Variants in AMELX observed in about 807,000 individuals in gnomAD.
The protein encoded by AMELX is amelogenin, X isoform.
AMELX carries 9 observed loss-of-function variants against 15.8 expected under a neutral mutation model. The observed-to-expected ratio is 0.57, with a 90% CI of 0.34 to 0.99. The LOEUF (loss-of-function observed/expected upper bound fraction) is 0.99, where lower values mean the gene tolerates loss of function less well. Ranked by LOEUF, AMELX falls within the 50% of genes least tolerant of loss-of-function variation. AMELX has a pLI of 0.02. For synonymous variants in AMELX, 61 were observed against 58.8 expected, an observed-to-expected ratio of 1.04 and a Z score of -0.17; for missense variants, 107 against 156.2, an observed-to-expected ratio of 0.68 and a Z score of 1.68.
At chrX:11,302,292 G>T (rs1348368458), downstream of AMELX, among the ~76,000 whole-genome samples, 5 of 111,771 alleles carry the variant, frequency 4.5e-5, no homozygotes, top group Admixed American at 9.5e-5. Context: ...ACTTCTTGAA[G>T]TTGAAAAATA....
downstream of AMELX, among the ~76,000 whole-genome samples, chrX:11,303,459 G>A (rs1302611449): frequency 9.0e-6 from 1 of 111,722 alleles, no homozygotes; most frequent in Admixed American, 9.5e-5. Context: ...ATTTGGGTTC[G>A]AAACATTTAC....
Position 11,298,628 on chromosome X carries a change from G to T in AMELX, c.225G>T (p.Pro75=), listed in dbSNP as rs142884100. ...CCGTGCTGTCCCAACAGCACCCCCC[G>T]ACTCACACCCTGCAGCCTCATCACC... ...IIPVLSQQHP[P]THTLQPHHHI... Residue 75 remains proline, a synonymous_variant, in exon 5 of 6, where the codon CCG becomes CCT. Transcript: ENST00000380714. The T allele has an allele frequency of 4.3e-5, 52 of 1,207,808 alleles. No individual in the cohort carries two copies. The highest frequency in any genetic ancestry group is 5.7e-5 in the Non-Finnish European group (51 of 894,738).
At chrX:11,302,178 C>T (rs5934999), downstream of AMELX, among the ~76,000 whole-genome samples, 29,760 of 111,268 alleles carry the variant, frequency 0.27, 3,118 homozygotes, top group African/African-American at 0.38. Context: ...ACATTTTAAG[C>T]GCTAAATAGC....
In AMELX at chrX:11,300,750, C is replaced by T. The variant is rs1447010523; in HGVS notation, c.*138C>T. 1.8e-6 allele frequency: 1 copy of T among 558,003 alleles called. No individual in the cohort carries two copies. The highest frequency in any genetic ancestry group is 2.3e-5 in the African/African-American group (1 of 43,375). 46.0% of individuals were successfully genotyped at this position (558,003 alleles called of 1,213,427 possible). On this transcript the variant is annotated 3_prime_UTR_variant, in exon 6 of 6. Coordinates refer to ENST00000380714, the MANE Select transcript of AMELX (RefSeq NM_001142.2). Reference sequence around the variant, plus strand: ...AGTACCATTAGCAGACAATAAAATGCATTAAAAATCATTCATGTCTTTGTG... The same window carrying T: ...AGTACCATTAGCAGACAATAAAATGTATTAAAAATCATTCATGTCTTTGTG...
At chrX:11,309,444 G>C in the AMELX span, among the ~76,000 whole-genome samples, 1 of 110,909 alleles carries the variant, frequency 9.0e-6, no homozygotes, top group Non-Finnish European at 1.9e-5. Context: ...CTCGGAGGGA[G>C]AGAGCCTTGG....
chrX:11,296,989 C>G (rs2048096710), intron 3 of AMELX, among the ~76,000 whole-genome samples, 163 bp downstream of exon 3: 1 of 111,535 alleles, frequency 9.0e-6, no homozygotes, highest in East Asian at 2.8e-4. Flanking sequence ...TGGTTGGCCT[C>G]AAGCCTGTGT....
rs183198858 is a variant in AMELX at position 11,298,997 on chromosome X, C to T, written c.570+24C>T. ...TGGTGAGTATATTTTGAAGCCACTACAATGCAAATCCTGTGAAAATGGTGC... is the reference window on the plus strand; with the variant it reads ...TGGTGAGTATATTTTGAAGCCACTATAATGCAAATCCTGTGAAAATGGTGC... On this transcript the variant is annotated intron_variant, in intron 5 of 5. Transcript: ENST00000380714. 168 of 1,200,728 alleles carry T rather than the reference C, an allele frequency of 1.4e-4. 1 individual carries two copies. In the East Asian group the frequency reaches 3.1e-3, roughly 22 times the overall value.
Position 11,298,555 on chromosome X carries a change from C to T in AMELX, c.152C>T (p.Ser51Phe). The T allele has an allele frequency of 1.7e-6, 2 of 1,211,392 alleles. No individual in the cohort carries two copies. The highest frequency in any genetic ancestry group is 2.2e-6 in the Non-Finnish European group (2 of 895,501). Residue 51 changes from serine (S) to phenylalanine (F), a missense_variant, in exon 5 of 6, where the codon TCC becomes TTC. By Grantham distance (155) the Ser-to-Phe change is radical. Coordinates refer to ENST00000380714, the MANE Select transcript of AMELX (RefSeq NM_001142.2). Reference protein sequence around the residue: ...WYQSIRPPYPSYGYEPMGGWL... With the variant: ...WYQSIRPPYPFYGYEPMGGWL... ...CTCTCTGTTTCTCACCAGTACCCTTCCTATGGTTACGAGCCCATGGGTGGA... is the reference window on the plus strand; with the variant it reads ...CTCTCTGTTTCTCACCAGTACCCTTTCTATGGTTACGAGCCCATGGGTGGA...
chrX:11,300,295 G>A (rs1397728368), intron 5 of AMELX, among the ~76,000 whole-genome samples: 1 of 111,543 alleles, frequency 9.0e-6, no homozygotes, highest in Non-Finnish European at 1.9e-5. Context: ...GTTTCTTAGA[G>A]TTGTTTTATG....
At chrX:11,293,759 C>T (rs1181599885) in intron 1 of AMELX, among the ~76,000 whole-genome samples, 1 of 111,985 alleles carries the variant, frequency 8.9e-6, no homozygotes, top group Middle Eastern at 4.2e-3. Context: ...CATTCACAGG[C>T]TGTGATCTAC....
chrX:11,305,263 T>G (rs1438814557), downstream of AMELX, among the ~76,000 whole-genome samples: 3 of 111,774 alleles, frequency 2.7e-5, no homozygotes, highest in Admixed American at 9.5e-5. Context: ...GTCCCGTGAT[T>G]AAGTCAGCTA....
Position 11,300,696 on chromosome X carries a change from C to T in AMELX, c.*84C>T. ...ACACAATGATTTTTGCTTATAATCA[C>T]TTTACTTAGCAAATTCTGTAACTAA... On this transcript the variant is annotated 3_prime_UTR_variant, in exon 6 of 6. Transcript: ENST00000380714. 1.1e-6 allele frequency: 1 copy of T among 900,253 alleles called. No homozygotes were observed. The highest frequency in any genetic ancestry group is 1.6e-6 in the Non-Finnish European group (1 of 629,865). 74.2% of individuals were successfully genotyped at this position (900,253 alleles called of 1,213,427 possible).
chrX:11,296,686 T>G, intron 2 of AMELX, 93 bp from the exon 3 acceptor site: 2 of 989,979 alleles, frequency 2.0e-6, no homozygotes, highest in South Asian at 2.0e-5. Context: ...TGTGAACAAT[T>G]GCATACTGAC....
rs778441921 is a variant in AMELX, at chrX:11,298,625, C to T, written c.222C>T (p.Pro74=). The change falls in exon 5 of 6, where the codon CCC becomes CCT. Residue 74 remains proline (P), a synonymous_variant. Transcript: ENST00000380714. ...TCCCCGTGCTGTCCCAACAGCACCCCCCGACTCACACCCTGCAGCCTCATC... is the reference window on the plus strand; with the variant it reads ...TCCCCGTGCTGTCCCAACAGCACCCTCCGACTCACACCCTGCAGCCTCATC... ...QIIPVLSQQH[P]PTHTLQPHHH... 15 of 1,208,415 alleles carry T rather than the reference C, an allele frequency of 1.2e-5. 1 individual carries two copies. The highest frequency in any genetic ancestry group is 3.5e-5 in the African/African-American group (2 of 56,594).
intron 2 of AMELX, among the ~76,000 whole-genome samples, chrX:11,295,054 C>T (rs983340182): frequency 2.7e-5 from 3 of 111,800 alleles, no homozygotes; most frequent in African/African-American, 6.5e-5. Context: ...ACAGCTGGGG[C>T]GGGGCCCAGG....
At position 11,298,946 on chromosome X, in the gene AMELX, A is replaced by G. The variant is rs753327781; in HGVS notation, c.543A>G (p.Ser181=). 19 of 1,208,902 alleles carry G rather than the reference A, an allele frequency of 1.6e-5. No individual in the cohort carries two copies. In the East Asian group the frequency reaches 5.6e-4, roughly 36 times the overall value. ...ATCTGACTCTGGAAGCTTGGCCATCAACAGACAAGACCAAGCGGGAGGAAG... is the reference window on the plus strand; with the variant it reads ...ATCTGACTCTGGAAGCTTGGCCATCGACAGACAAGACCAAGCGGGAGGAAG... The part of the protein sequence containing the change: ...LPDLTLEAWP[S]TDKTKREEVD Residue 181 remains serine, a synonymous_variant, in exon 5 of 6, where the codon TCA becomes TCG. Transcript: ENST00000380714.
At chrX:11,303,545 T>C (rs1390847093), downstream of AMELX, among the ~76,000 whole-genome samples, 3 of 112,376 alleles carry the variant, frequency 2.7e-5, no homozygotes, top group Non-Finnish European at 5.6e-5. Context: ...CATTGTCCTA[T>C]GGTCAACAAA....
chrX:11,304,911 T>C (rs1320333423), downstream of AMELX, among the ~76,000 whole-genome samples: 2 of 104,027 alleles, frequency 1.9e-5, no homozygotes, highest in African/African-American at 7.1e-5. Context: ...CTCAGCCTCC[T>C]GAGTAGCTGG....
intron 1 of AMELX, among the ~76,000 whole-genome samples, 170 bp from the exon 2 acceptor site, chrX:11,294,607 G>T (rs138892868): frequency 1.4e-4 from 16 of 112,274 alleles, no homozygotes; most frequent in African/African-American, 5.2e-4. Context: ...CAGAAACAAT[G>T]AAATAGGCTG....
Sources: allele counts gnomAD v4.1 joint callset (sites outside exome capture counted in the v4.1 genomes callset), GRCh38; gene constraint gnomAD v4.1.1; transcripts MANE v1.5; gene names NCBI Gene and HGNC (gene_info 2026-07-23, HGNC 2026-07-21).